DSP: variants seen among roughly 807,000 people sequenced by gnomAD.
DSP encodes the protein 250/210 kDa paraneoplastic pemphigus antigen.
DSP carries 114 observed loss-of-function variants against 290.6 expected under a neutral mutation model. The observed-to-expected ratio is 0.39, with a 90% CI of 0.34 to 0.46. DSP has a LOEUF of 0.46. DSP is among the 20% of genes least tolerant of loss of function. DSP has a pLI of 0.99. For synonymous variants in DSP, 1,311 were observed against 1,316.4 expected, an observed-to-expected ratio of 1.00 and a Z score of 0.09; for missense variants, 3,230 against 3,495.8, an observed-to-expected ratio of 0.92 and a Z score of 1.92.
chr6:7,549,565 GA>G (rs1758273004), intron 1 of DSP, among the ~76,000 whole-genome samples: 2 of 152,302 alleles, frequency 1.3e-5, no homozygotes, highest in Non-Finnish European at 2.9e-5. Context: ...AAAATGCTTT[GA>G]AAATTATAAA....
rs1346447800 is a variant in DSP, at chr6:7,580,974, AGGAAGAGCT to A, written c.4790_4798del (p.Glu1597_Glu1599del). Reference sequence around the variant, plus strand: ...GACTCCTGCAAGAGGAAGAAGCTGGAGGAAGAGCTGGAAGGCATGAGGAGGTCGCTGAAG... The same window carrying A: ...GACTCCTGCAAGAGGAAGAAGCTGGAGGAAGGCATGAGGAGGTCGCTGAAG... On this transcript the variant is annotated inframe_deletion, in exon 23 of 24. Coordinates refer to ENST00000379802, the MANE Select transcript of DSP (RefSeq NM_004415.4). This position sits in a 1 kb window ranked among gnomAD's most constrained non-coding sequence, Gnocchi z 4.2. The A allele has an allele frequency of 1.9e-6, 3 of 1,614,120 alleles. No individual in the cohort carries two copies. The highest frequency in any genetic ancestry group is 2.5e-6 in the Non-Finnish European group (3 of 1,180,014).
At chr6:7,574,018 C>A in intron 15 of DSP, 68 bp from the exon 16 acceptor site, 1 of 1,537,450 alleles carries the variant, frequency 6.5e-7, no homozygotes, top group Non-Finnish European at 9.0e-7. Flanking sequence ...GCATATTGTA[C>A]ACCTTAAATA....
At position 7,575,443 on chromosome 6, in the gene DSP, A is replaced by G; in HGVS notation, c.2585A>G (p.Gln862Arg). ...GGCAAGTTCGGTGAAAAAGTCACACAGCTGACAGACCGCTGGCAAAGGATA... is the reference window on the plus strand; with the variant it reads ...GGCAAGTTCGGTGAAAAAGTCACACGGCTGACAGACCGCTGGCAAAGGATA... ...DLGKFGEKVT[Q>R]LTDRWQRIDK... Residue 862 changes from glutamine to arginine, a missense_variant, in exon 18 of 24, where the codon CAG (glutamine) becomes CGG (arginine). Gln to Arg is a conservative substitution (Grantham distance 43, BLOSUM62 1). Around this residue, in one of 5 missense-constraint regions of DSP, gnomAD observed 1,714 missense variants for 1,844.5 expected, o/e 0.93. Transcript: ENST00000379802. The G allele has an allele frequency of 5.0e-6, 8 of 1,614,228 alleles. No homozygotes were observed. The highest frequency in any genetic ancestry group is 6.8e-6 in the Non-Finnish European group (8 of 1,180,030).
At chr6:7,555,841 T>A (rs547186854) in intron 2 of DSP, 21 bp downstream of exon 2, 1 of 1,609,584 alleles carries the variant, frequency 6.2e-7, no homozygotes, top group Non-Finnish European at 8.5e-7. Flanking sequence ...CCTGTTCCCA[T>A]CGCTTCTCCC....
In DSP at chr6:7,580,253, TATG is replaced by T; in HGVS notation, c.4068_4070del (p.Asp1356del). On this transcript the variant is annotated inframe_deletion, in exon 23 of 24. Transcript: ENST00000379802. This position sits in a 1 kb window ranked among gnomAD's most constrained non-coding sequence, Gnocchi z 4.2. ...TGAACTGAGTAAGGTAAGAAACAATTATGATGAGGAGATCATTAGCTTAAAAAA... is the reference window on the plus strand; with the variant it reads ...TGAACTGAGTAAGGTAAGAAACAATTATGAGGAGATCATTAGCTTAAAAAA... 2 of 1,613,748 alleles carry T rather than the reference TATG, an allele frequency of 1.2e-6. No individual in the cohort carries two copies. Among genetic ancestry groups the T allele is most frequent in the Non-Finnish European group, 1.7e-6 (2 of 1,179,960 alleles).
chr6:7,574,054 A>C, intron 15 of DSP, 32 bp from the exon 16 acceptor site: 1 of 1,612,748 alleles, frequency 6.2e-7, no homozygotes. Context: ...AGAATCAGCT[A>C]AATCAAAAGA....
At chr6:7,550,965 GA>G (rs1758324479) in intron 1 of DSP, among the ~76,000 whole-genome samples, 1 of 151,680 alleles carries the variant, frequency 6.6e-6, no homozygotes, top group Non-Finnish European at 1.5e-5. Context: ...TGAGGGTAGG[GA>G]TTTAAAAAAA....
Position 7,571,850 on chromosome 6 carries a change from A to G in DSP, c.1912A>G (p.Thr638Ala). ...CTAACTTCTTTTTACAGTGACCACA[A>G]CTGAAATCACTCATCATGGAACCTG... The part of the protein sequence containing the change: ...GYPQHQTVTT[T>A]EITHHGTCQD... The change falls in exon 15 of 24, where the codon ACT becomes GCT. Residue 638 changes from threonine to alanine, a missense_variant. By Grantham distance (58) the Thr-to-Ala change is moderately conservative. Around this residue, in one of 5 missense-constraint regions of DSP, gnomAD observed 81 missense variants for 130.5 expected, o/e 0.62. Coordinates refer to ENST00000379802, the MANE Select transcript of DSP (RefSeq NM_004415.4). 6.2e-7 allele frequency: 1 copy of G among 1,612,660 alleles called. No individual in the cohort carries two copies. Among genetic ancestry groups the G allele is most frequent in the South Asian group, 1.1e-5 (1 of 91,084 alleles).
rs565526203 is a variant in DSP, at chr6:7,570,938, C to T, written c.1701+375C>T. On this transcript the variant is annotated intron_variant, in intron 13 of 23. Coordinates refer to ENST00000379802, the MANE Select transcript of DSP (RefSeq NM_004415.4). Reference sequence around the variant, plus strand: ...AGGTGGGATAGAATTCTTGGAAGAGCACCCAAAGCATTACTTACTCTAAAT... The same window carrying T: ...AGGTGGGATAGAATTCTTGGAAGAGTACCCAAAGCATTACTTACTCTAAAT... 4.5e-4 allele frequency among the ~76,000 whole-genome samples: 68 copies of T among 152,222 alleles called. 1 individual carries two copies. The highest frequency in any genetic ancestry group is 1.5e-3 in the African/African-American group (63 of 41,542).
Position 7,583,008 on chromosome 6 carries a change from A to G in DSP, c.5746A>G (p.Lys1916Glu). The change falls in exon 24 of 24, where the codon AAG becomes GAG. Residue 1916 changes from lysine to glutamate, a missense_variant. Lys to Glu is a moderately conservative substitution (Grantham distance 56). Transcript: ENST00000379802. The surrounding 1 kb of genome is among the most constrained non-coding windows in gnomAD (Gnocchi z 4.0). Reference sequence around the variant, plus strand: ...GAGAATTGAAGAGAGGTGCAGGCGTAAGCTGGAGGATTCTACCAGGGAGAC... The same window carrying G: ...GAGAATTGAAGAGAGGTGCAGGCGTGAGCTGGAGGATTCTACCAGGGAGAC... ...IKRIEERCRR[K>E]LEDSTRETQS... The G allele has an allele frequency of 6.2e-7, 1 of 1,614,136 alleles. No homozygotes were observed. The highest frequency in any genetic ancestry group is 8.5e-7 in the Non-Finnish European group (1 of 1,180,022).
chr6:7,572,129 A>G (rs1759075856), intron 15 of DSP, 61 bp downstream of exon 15: 19 of 1,417,648 alleles, frequency 1.3e-5, no homozygotes, highest in South Asian at 8.6e-5. Flanking sequence ...CTGTAAATGA[A>G]TAAAAAAAAT....
chr6:7,550,220 T>G (rs1272221676), intron 1 of DSP, among the ~76,000 whole-genome samples: 1 of 151,256 alleles, frequency 6.6e-6, no homozygotes, highest in African/African-American at 2.4e-5. Flanking sequence ...GCTGTTTTGT[T>G]TTTGTTTTTT....
chr6:7,576,305 T>C lies in DSP; in HGVS notation c.2642T>C (p.Leu881Pro). 1 of 1,614,036 alleles carries C rather than the reference T, an allele frequency of 6.2e-7. No homozygotes were observed. Among genetic ancestry groups the C allele is most frequent in the Non-Finnish European group, 8.5e-7 (1 of 1,179,928 alleles). Residue 881 changes from leucine (L) to proline (P), a missense_variant, in exon 19 of 24, where the codon CTG becomes CCG. Coordinates refer to ENST00000379802, the MANE Select transcript of DSP (RefSeq NM_004415.4). ...CTATTTCCCCCCAGGTTATGGGACCTGGAGAAACAAATCAAGCAATTGAGG... is the reference window on the plus strand; with the variant it reads ...CTATTTCCCCCCAGGTTATGGGACCCGGAGAAACAAATCAAGCAATTGAGG... ...DKQIDFRLWD[L>P]EKQIKQLRNY... is the part of the protein sequence containing the mutation.
intron 2 of DSP, 95 bp from the exon 3 acceptor site, chr6:7,558,021 C>T: frequency 6.9e-7 from 1 of 1,457,362 alleles, no homozygotes; most frequent in South Asian, 1.1e-5. Context: ...CAGTTTTTGT[C>T]ATGTTTACAG....
chr6:7,542,120 C>T, intron 1 of DSP, 35 bp downstream of exon 1: 1 of 1,550,688 alleles, frequency 6.4e-7, no homozygotes, highest in Non-Finnish European at 8.7e-7. Flanking sequence ...GGCTGCGGGG[C>T]TCGCGGGACA....
intron 15 of DSP, 46 bp from the exon 16 acceptor site, chr6:7,574,039 TA>T: frequency 1.2e-6 from 2 of 1,601,992 alleles, no homozygotes; most frequent in Non-Finnish European, 1.7e-6. Flanking sequence ...TATACAGTAA[TA>T]AAAAGAATCA....
Position 7,577,023 on chromosome 6 carries a change from T to C in DSP, c.2858T>C (p.Leu953Pro), listed in dbSNP as rs745641212. 3.0e-5 allele frequency: 49 copies of C among 1,611,636 alleles called. No individual in the cohort carries two copies. The highest frequency in any genetic ancestry group is 4.1e-5 in the Non-Finnish European group (48 of 1,179,090). ...KSEEVQKIAE[L>P]CANSIKDYEL... The stretch of plus-strand genomic sequence containing the variant: ...GAGGAAGTACAAAAAATTGCTGAAC[T>C]TTGCGCCAATTCAATTAAGGTATGT... Residue 953 changes from leucine (L) to proline (P), a missense_variant, in exon 20 of 24, where the codon CTT becomes CCT. Physicochemically the swap from Leu to Pro is moderately conservative, Grantham distance 98. Transcript: ENST00000379802.
At chr6:7,556,925 C>T (rs763039723) in intron 2 of DSP, among the ~76,000 whole-genome samples, 9 of 152,168 alleles carry the variant, frequency 5.9e-5, no homozygotes, top group Admixed American at 1.3e-4. Flanking sequence ...CACACACACA[C>T]GTCATTTGTA....
chr6:7,576,144 A>T (rs754738551), intron 18 of DSP, 150 bp from the exon 19 acceptor site: 1 of 866,844 alleles, frequency 1.2e-6, no homozygotes, highest in Non-Finnish European at 1.7e-6. Context: ...TGTGATAAAA[A>T]GTGCTGCTAT....
Sources: allele counts gnomAD v4.1 joint callset (sites outside exome capture counted in the v4.1 genomes callset), GRCh38; gene constraint gnomAD v4.1.1; regional missense constraint gnomAD v4.1.1; non-coding constraint Gnocchi (gnomAD v3.1); transcripts MANE v1.5; gene names NCBI Gene and HGNC (gene_info 2026-07-23, HGNC 2026-07-21).